Variants in RANGAP1 observed in about 807,000 individuals in gnomAD.
RANGAP1 encodes the protein ran GTPase-activating protein 1.
A neutral mutation model predicts 63.5 loss-of-function variants in RANGAP1; 38 were observed. The ratio of observed to expected loss-of-function variants is 0.60; its 90% CI spans 0.46 to 0.78. The LOEUF is 0.78. Ranked by LOEUF, RANGAP1 falls within the 30% of genes least tolerant of loss-of-function variation. The pLI, the probability that RANGAP1 is intolerant of heterozygous loss-of-function variation, is 0.00. For synonymous variants in RANGAP1, 329 were observed against 310.5 expected (o/e 1.06, Z -0.63); for missense variants, 630 against 740.3 (o/e 0.85, Z 1.73).
At chr22:41,264,194 C>A (rs1040032361) in intron 5 of RANGAP1, among the ~76,000 whole-genome samples, 7 of 152,006 alleles carry the variant, frequency 4.6e-5, no homozygotes, top group Non-Finnish European at 1.5e-5. Flanking sequence ...CCACTCTACA[C>A]TGACCAGCCC....
At chr22:41,246,724 C>G in intron 15 of RANGAP1, 52 bp from the exon 16 acceptor site, 2 of 1,465,292 alleles carry the variant, frequency 1.4e-6, no homozygotes, top group Middle Eastern at 3.4e-4. Context: ...GGCCTGTTTT[C>G]CAAGTGTGGG....
At chr22:41,282,700 T>C (rs1000606163) in intron 1 of RANGAP1, among the ~76,000 whole-genome samples, 1 of 152,224 alleles carries the variant, frequency 6.6e-6, no homozygotes, top group African/African-American at 2.4e-5. Context: ...TTACTTGGAG[T>C]ACATGTGAGA....
chr22:41,286,060 G>A lies in RANGAP1; in HGVS notation c.-113C>T, dbSNP rs1049886723. On this transcript the variant is annotated 5_prime_UTR_variant, in exon 1 of 16. Transcript: ENST00000356244. Reference sequence around the variant, plus strand: ...CCCTCTGGGGCGGGGACGGATTTAGGGTCCGGGTCAGGCCGGGGTCGCCAC... The same window carrying A: ...CCCTCTGGGGCGGGGACGGATTTAGAGTCCGGGTCAGGCCGGGGTCGCCAC... The A allele has an allele frequency of 2.0e-5, 3 of 152,350 alleles. No individual in the cohort carries two copies. The highest frequency in any genetic ancestry group is 4.4e-5 in the Non-Finnish European group (3 of 68,156). The allele number at this position is 152,350 out of a possible 1,614,324, so 9.4% of individuals were successfully genotyped here.
Position 41,264,729 on chromosome 22 carries a change from A to G in RANGAP1, c.415T>C (p.Ser139Pro). The G allele has an allele frequency of 4.3e-6, 7 of 1,613,976 alleles. No homozygotes were observed. The highest frequency in any genetic ancestry group is 5.9e-6 in the Non-Finnish European group (7 of 1,179,828). ...AGTTCCTGCAGGGTGAAGCAGGCTG[A>G]GCTCTTGAGCAGGGCCTCGAAGCCT... ...VQGFEALLKS[S>P]ACFTLQELKL... is the part of the protein sequence containing the mutation. Residue 139 changes from serine (S) to proline (P), a missense_variant, in exon 5 of 16, where the codon TCA becomes CCA. Physicochemically the swap from Ser to Pro is moderately conservative, Grantham distance 74 (BLOSUM62 -1). Coordinates refer to ENST00000356244, the MANE Select transcript of RANGAP1 (RefSeq NM_002883.4).
chr22:41,290,623 T>C (rs908167464), upstream of RANGAP1, among the ~76,000 whole-genome samples: 11 of 152,212 alleles, frequency 7.2e-5, no homozygotes, highest in Admixed American at 3.9e-4. Flanking sequence ...CAGGCCTTTC[T>C]CTGTTGTGCA....
intron 5 of RANGAP1, 39 bp from the exon 6 acceptor site, chr22:41,261,619 G>GC (rs746205092): frequency 1.8e-5 from 29 of 1,613,430 alleles, no homozygotes; most frequent in Middle Eastern, 3.3e-4. Context: ...ATGGGCAGGA[G>GC]CCCCTTCTCC....
At chr22:41,294,262 C>T in the RANGAP1 span, among the ~76,000 whole-genome samples, 2 of 152,352 alleles carry the variant, frequency 1.3e-5, no homozygotes, top group East Asian at 3.9e-4. Flanking sequence ...CTGTGTTGGC[C>T]GGGCTGGTCT....
At chr22:41,268,213 G>C (rs2034597840) in intron 3 of RANGAP1, 57 bp from the exon 4 acceptor site, 1 of 1,372,296 alleles carries the variant, frequency 7.3e-7, no homozygotes. Context: ...GGCCCATAGT[G>C]AAGCCTCATC....
At chr22:41,282,704 T>A (rs2035556971) in intron 1 of RANGAP1, among the ~76,000 whole-genome samples, 1 of 152,192 alleles carries the variant, frequency 6.6e-6, no homozygotes, top group African/African-American at 2.4e-5. Flanking sequence ...TTGGAGTACA[T>A]GTGAGATTAA....
the RANGAP1 span, among the ~76,000 whole-genome samples, chr22:41,296,450 C>CCTGAGGTCAGG: frequency 1.3e-5 from 2 of 152,002 alleles, no homozygotes; most frequent in Non-Finnish European, 2.9e-5. Flanking sequence ...AGTTCAAGAC[C>CCTGAGGTCAGG]AGTCTGGCCA....
At chr22:41,273,134 C>T (rs2034934843) in intron 3 of RANGAP1, among the ~76,000 whole-genome samples, 1 of 152,070 alleles carries the variant, frequency 6.6e-6, no homozygotes, top group African/African-American at 2.4e-5. Flanking sequence ...AGCCTCAGTT[C>T]CCTTGACTTA....
upstream of RANGAP1, among the ~76,000 whole-genome samples, chr22:41,286,410 C>G (rs2035751711): frequency 6.6e-6 from 1 of 152,254 alleles, no homozygotes; most frequent in African/African-American, 2.4e-5. Context: ...CTTCGCCCTC[C>G]CCTGGTGGCT....
intron 2 of RANGAP1, among the ~76,000 whole-genome samples, chr22:41,275,384 C>A (rs768283109): frequency 6.6e-6 from 1 of 151,752 alleles, no homozygotes; most frequent in Non-Finnish European, 1.5e-5. Flanking sequence ...CCCAGCTACT[C>A]GGGAGGCTGA....
the RANGAP1 span, among the ~76,000 whole-genome samples, chr22:41,302,161 C>T: frequency 7.9e-5 from 12 of 152,088 alleles, no homozygotes; most frequent in African/African-American, 2.9e-4. This position sits in a 1 kb window ranked among gnomAD's most constrained non-coding sequence, Gnocchi z 5.7. Flanking sequence ...GATGCTTTGC[C>T]GACCCCGCGC....
At chr22:41,292,545 G>C in the RANGAP1 span, among the ~76,000 whole-genome samples, 1 of 151,914 alleles carries the variant, frequency 6.6e-6, no homozygotes, top group South Asian at 2.1e-4. Flanking sequence ...TGGATCACGA[G>C]CTCAGGATTT....
Position 41,254,366 on chromosome 22 carries a change from C to T in RANGAP1, c.1202G>A (p.Arg401Gln), listed in dbSNP as rs981390475. 1.9e-5 allele frequency: 30 copies of T among 1,614,008 alleles called. No individual in the cohort carries two copies. The highest frequency in any genetic ancestry group is 1.6e-4 in the Middle Eastern group (1 of 6,082). Residue 401 changes from arginine to glutamine, a missense_variant, in exon 11 of 16, where the codon CGA becomes CAA. Coordinates refer to ENST00000356244, the MANE Select transcript of RANGAP1 (RefSeq NM_002883.4). ...EEEEEEEPQQ[R>Q]GQGEKSATPS... ...CGTGGCTGACTTCTCTCCCTGCCCT[C>T]GCTGCTGAGGCTCTTCTTCCTCCTC...
Position 41,246,128 on chromosome 22 carries a change from G to A in RANGAP1, c.*475C>T, listed in dbSNP as rs2033010295. ...ACAGCTGCCGCAGGACCAGGGCTTG[G>A]TGACGAGAAGCAGCCCCAGGCAGGG... On this transcript the variant is annotated 3_prime_UTR_variant, in exon 16 of 16. Transcript: ENST00000356244. 1 of 172,294 alleles carries A rather than the reference G, an allele frequency of 5.8e-6. No individual in the cohort carries two copies. Among genetic ancestry groups the A allele is most frequent in the African/African-American group, 2.4e-5 (1 of 41,954 alleles). 10.7% of individuals were successfully genotyped at this position (172,294 alleles called of 1,614,324 possible).
intron 15 of RANGAP1, among the ~76,000 whole-genome samples, chr22:41,247,879 C>A (rs188474287): frequency 4.6e-5 from 7 of 152,358 alleles, no homozygotes; most frequent in Admixed American, 4.6e-4. Context: ...GTTAATCAGT[C>A]ACCTTGGACA....
At chr22:41,291,221 G>A in the RANGAP1 span, among the ~76,000 whole-genome samples, 1 of 152,212 alleles carries the variant, frequency 6.6e-6, no homozygotes, top group African/African-American at 2.4e-5. Context: ...GGTGTCTATG[G>A]AGGAGTTTTA....
Sources: allele counts gnomAD v4.1 joint callset (sites outside exome capture counted in the v4.1 genomes callset), GRCh38; gene constraint gnomAD v4.1.1; non-coding constraint Gnocchi (gnomAD v3.1); transcripts MANE v1.5; gene names NCBI Gene and HGNC (gene_info 2026-07-23, HGNC 2026-07-21).